Variants in RREB1 observed in about 807,000 individuals in gnomAD.
RREB1 encodes ras-responsive element-binding protein 1.
RREB1 carries 27 observed loss-of-function variants against 117.8 expected under a neutral mutation model. The observed-to-expected ratio is 0.23, with a 90% confidence interval of 0.17 to 0.32. The LOEUF is 0.32. Ranked by LOEUF, RREB1 falls within the 10% of genes least tolerant of loss-of-function variation. The pLI, the probability that RREB1 is intolerant of heterozygous loss-of-function variation, is 1.00. For missense variants in RREB1, 2,577 were observed against 2,378.2 expected (o/e 1.08, Z -1.74); for synonymous variants, 1,298 against 1,026.7 (o/e 1.26, Z -5.05).
chr6:7,240,390 C>G (rs763429913), intron 10 of RREB1, 48 bp from the exon 11 acceptor site: 1 of 1,513,408 alleles, frequency 6.6e-7, no homozygotes, highest in Non-Finnish European at 9.0e-7. Flanking sequence ...TTTTCTATTT[C>G]ATTGCAGTAG....
chr6:7,126,279 C>T (rs904558315), intron 1 of RREB1, among the ~76,000 whole-genome samples: 6 of 151,790 alleles, frequency 4.0e-5, no homozygotes, highest in East Asian at 3.9e-4. Flanking sequence ...GGATTACAGG[C>T]GTGAGCCACT....
intron 9 of RREB1, 85 bp from the exon 10 acceptor site, chr6:7,228,912 C>A: frequency 7.9e-7 from 1 of 1,271,498 alleles, no homozygotes; most frequent in Non-Finnish European, 1.0e-6. Context: ...AAATGTACAA[C>A]AAATACTTTG....
intron 1 of RREB1, among the ~76,000 whole-genome samples, chr6:7,137,754 T>A (rs1159991195): frequency 1.3e-5 from 2 of 151,978 alleles, no homozygotes; most frequent in African/African-American, 4.8e-5. Flanking sequence ...GGATGGGAGA[T>A]GAGAGTCATT....
intron 1 of RREB1, among the ~76,000 whole-genome samples, chr6:7,136,203 A>T (rs79318248): frequency 6.6e-6 from 1 of 152,180 alleles, no homozygotes; most frequent in African/African-American, 2.4e-5. Context: ...TTTGAGTAGA[A>T]GTTTGATTTG....
rs530224695 is a variant in RREB1, at chr6:7,154,053, A to G, written c.-284-22602A>G. ...TAGTCATGTGACCTGCCTGACCACAAAGGTATACGGTTGCCAGGAAATATG... is the reference window on the plus strand; with the variant it reads ...TAGTCATGTGACCTGCCTGACCACAGAGGTATACGGTTGCCAGGAAATATG... On this transcript the variant is annotated intron_variant, in intron 1 of 12. Transcript: ENST00000379938. 8.5e-5 allele frequency among the ~76,000 whole-genome samples: 13 copies of G among 152,336 alleles called. No homozygotes were observed. The East Asian group carries it at 2.1e-3, about 25-fold the overall frequency.
intron 1 of RREB1, among the ~76,000 whole-genome samples, chr6:7,126,125 C>T (rs1251433336): frequency 1.3e-5 from 2 of 152,120 alleles, no homozygotes; most frequent in Non-Finnish European, 2.9e-5. Flanking sequence ...CCTCAGCCTC[C>T]TGAGTAGCTG....
intron 1 of RREB1, among the ~76,000 whole-genome samples, chr6:7,124,773 A>G (rs1220794784): frequency 6.6e-6 from 1 of 152,192 alleles, no homozygotes; most frequent in African/African-American, 2.4e-5. Flanking sequence ...CATCTCATTC[A>G]TTCATCACAA....
At position 7,153,432 on chromosome 6, in the gene RREB1, ACACACACACACAAATCCTC is replaced by A. The variant is rs971735351; in HGVS notation, c.-284-23220_-284-23202del. Among the ~76,000 whole-genome samples the A allele has an allele frequency of 2.5e-4, 38 of 152,062 alleles. No individual in the cohort carries two copies. In the Middle Eastern group the frequency reaches 0.01, roughly 41 times the overall value. The stretch of plus-strand genomic sequence containing the variant: ...GTGGTATACACACACACACACACAC[ACACACACACACAAATCCTC>A]CAATGTATTTACTTTTCACATTTTT... On this transcript the variant is annotated intron_variant, in intron 1 of 12. Transcript: ENST00000379938.
chr6:7,236,887 G>GTTTTTTTTTTTT (rs869133214), intron 10 of RREB1, among the ~76,000 whole-genome samples: 4 of 63,404 alleles, frequency 6.3e-5, no homozygotes, highest in Non-Finnish European at 8.0e-5. Context: ...GTTTTTGGAG[G>GTTTTTTTTTTTT]TTTTTTTTTT....
chr6:7,229,255 G>A lies in RREB1; in HGVS notation c.1156G>A (p.Asp386Asn). The A allele has an allele frequency of 6.2e-7, 1 of 1,614,100 alleles. No individual in the cohort carries two copies. Among genetic ancestry groups the A allele is most frequent in the Non-Finnish European group, 8.5e-7 (1 of 1,180,008 alleles). The change falls in exon 10 of 13, where the codon GAT becomes AAT. Residue 386 changes from aspartate (D) to asparagine (N), a missense_variant. Transcript: ENST00000379938. This position sits in a 1 kb window ranked among gnomAD's most constrained non-coding sequence, Gnocchi z 4.5. ...RPAPAEEPLPDDNQAIQLQTL... is the reference protein window; with the variant it reads ...RPAPAEEPLPNDNQAIQLQTL... The stretch of plus-strand genomic sequence containing the variant: ...TGCCCCCGCCGAGGAGCCCCTGCCG[G>A]ATGACAACCAGGCAATTCAGCTCCA...
At chr6:7,137,298 C>CAGGGAG (rs1762382937) in intron 1 of RREB1, among the ~76,000 whole-genome samples, 1 of 152,140 alleles carries the variant, frequency 6.6e-6, no homozygotes, top group Non-Finnish European at 1.5e-5. Context: ...GCCTTATAGA[C>CAGGGAG]TCGGGTACAG....
chr6:7,233,087 G>C (rs906220468), intron 10 of RREB1, among the ~76,000 whole-genome samples: 3 of 152,040 alleles, frequency 2.0e-5, no homozygotes, highest in Admixed American at 2.0e-4. Flanking sequence ...GTAGAGATGG[G>C]GTTTCACCAT....
At position 7,249,110 on chromosome 6, in the gene RREB1, A is replaced by C. The variant is rs150028450; in HGVS notation, c.*142A>C. 6.9e-6 allele frequency: 5 copies of C among 720,636 alleles called. No individual in the cohort carries two copies. The highest frequency in any genetic ancestry group is 1.1e-5 in the Non-Finnish European group (5 of 455,050). 44.6% of individuals were successfully genotyped at this position (720,636 alleles called of 1,614,324 possible). On this transcript the variant is annotated 3_prime_UTR_variant, in exon 13 of 13. Coordinates refer to ENST00000379938, the MANE Select transcript of RREB1 (RefSeq NM_001003699.4). ...GAGAGAGAGAGAGAGAGAGACAAGC[A>C]GGAGCGTGGCTGCTCGCTCAGTGCC... is the stretch of plus-strand genomic sequence containing the variant.
At chr6:7,187,817 C>T (rs1325733289) in intron 5 of RREB1, 2 of 171,738 alleles carry the variant, frequency 1.2e-5, no homozygotes, top group African/African-American at 4.7e-5. Flanking sequence ...TATGAAATGA[C>T]TTTTGTATAT....
rs775307297 is a variant in RREB1, at chr6:7,229,596, G to A, written c.1497G>A (p.Ala499=). 3.1e-5 allele frequency: 50 copies of A among 1,611,978 alleles called. No individual in the cohort carries two copies. Among genetic ancestry groups the A allele is most frequent in the Non-Finnish European group, 3.7e-5 (44 of 1,178,742 alleles). ...FSKAPAAPLQ[A]IFKHMPPLKP... ...AGGCCCCTGCCGCCCCACTGCAGGC[G>A]ATCTTCAAGCACATGCCCCCTCTGA... Residue 499 remains alanine (A), a synonymous_variant, in exon 10 of 13, where the codon GCG becomes GCA. Coordinates refer to ENST00000379938, the MANE Select transcript of RREB1 (RefSeq NM_001003699.4). The surrounding 1 kb of genome is among the most constrained non-coding windows in gnomAD (Gnocchi z 4.5).
chr6:7,158,153 C>T (rs1336763141), intron 1 of RREB1, among the ~76,000 whole-genome samples: 1 of 152,134 alleles, frequency 6.6e-6, no homozygotes, highest in Non-Finnish European at 1.5e-5. Context: ...CCTAACCCCC[C>T]TAACAATCTA....
chr6:7,201,490 A>AT, intron 6 of RREB1, among the ~76,000 whole-genome samples: 1 of 149,742 alleles, frequency 6.7e-6, no homozygotes, highest in African/African-American at 2.5e-5. Flanking sequence ...TAGTGGCAAC[A>AT]TTGTCCCCCC....
chr6:7,206,713 G>A (rs1193188632), intron 6 of RREB1, among the ~76,000 whole-genome samples: 1 of 152,236 alleles, frequency 6.6e-6, no homozygotes, highest in Non-Finnish European at 1.5e-5. Flanking sequence ...CACAAGTAGG[G>A]TGTGGGGCCT....
chr6:7,163,102 G>A (rs1339906668), intron 1 of RREB1, among the ~76,000 whole-genome samples: 1 of 152,176 alleles, frequency 6.6e-6, no homozygotes, highest in Non-Finnish European at 1.5e-5. Flanking sequence ...AGTGTCTTTT[G>A]GAGGAAGCCT....
Sources: gnomAD v4.1 joint callset for allele counts (sites outside exome capture counted in the v4.1 genomes callset) on GRCh38, gnomAD v4.1.1 for gene constraint, Gnocchi (gnomAD v3.1) non-coding constraint, MANE v1.5 for transcripts, NCBI Gene and HGNC (gene_info 2026-07-23, HGNC 2026-07-21) for gene names.